CKAP2: variants seen among roughly 807,000 people sequenced by gnomAD.
CKAP2 encodes cytoskeleton associated protein 2.
In CKAP2, 46 loss-of-function variants were observed where a neutral mutation model predicts 58.4. The observed-to-expected ratio is 0.79, with a 90% confidence interval of 0.62 to 1.01. The LOEUF is 1.01. CKAP2 is among the 50% of genes least tolerant of loss of function. The pLI is 0.00. For missense variants in CKAP2, 809 were observed against 796.4 expected, an observed-to-expected ratio of 1.02 and a Z score of -0.19; for synonymous variants, 293 against 280.9, an observed-to-expected ratio of 1.04 and a Z score of -0.43.
rs1958823617 is a variant in CKAP2 at position 52,475,985 on chromosome 13, A to C, written c.*844A>C. On this transcript the variant is annotated 3_prime_UTR_variant, in exon 9 of 9. Coordinates refer to ENST00000258607, the MANE Select transcript of CKAP2 (RefSeq NM_018204.5). Reference sequence around the variant, plus strand: ...TTCTAGTTTAGATAGCATTTCTAAGATAACTGATACTAATACTTGTTTTCT... The same window carrying C: ...TTCTAGTTTAGATAGCATTTCTAAGCTAACTGATACTAATACTTGTTTTCT... 1 of 152,226 alleles carries C rather than the reference A, an allele frequency of 6.6e-6. No individual in the cohort carries two copies. The highest frequency in any genetic ancestry group is 2.4e-5 in the African/African-American group (1 of 41,466). 9.4% of individuals were successfully genotyped at this position (152,226 alleles called of 1,614,324 possible).
Position 52,456,508 on chromosome 13 carries a change from A to T in CKAP2, c.71-15A>T, listed in dbSNP as rs758142413. The T allele has an allele frequency of 5.7e-6, 9 of 1,582,224 alleles. No individual in the cohort carries two copies. The South Asian group carries it at 1.0e-4, about 18-fold the overall frequency. Reference sequence around the variant, plus strand: ...TAACTAATATTGACTTGTAGCTCTTACCTTTGTTATCTAGAGCAAAGAAGA... The same window carrying T: ...TAACTAATATTGACTTGTAGCTCTTTCCTTTGTTATCTAGAGCAAAGAAGA... On this transcript the variant is annotated splice_polypyrimidine_tract_variant and intron_variant, in intron 1 of 8. Transcript: ENST00000258607.
intron 2 of CKAP2, among the ~76,000 whole-genome samples, chr13:52,460,471 G>C (rs920961022): frequency 3.3e-5 from 5 of 151,262 alleles, no homozygotes; most frequent in Admixed American, 3.3e-4. Context: ...TTGAGACAGA[G>C]TCTCTCTCTG....
Position 52,475,019 on chromosome 13 carries a change from GATC to G in CKAP2, c.1930_1932del (p.His644del), listed in dbSNP as rs1179938041. The stretch of plus-strand genomic sequence containing the variant: ...TTCTAAATTGCCAGATATGTTAAAA[GATC>G]ATTATCCTTGTGTGTCTTCATTGGA... On this transcript the variant is annotated inframe_deletion, in exon 9 of 9. Transcript: ENST00000258607. The G allele has an allele frequency of 6.2e-7, 1 of 1,614,194 alleles. No individual in the cohort carries two copies. The highest frequency in any genetic ancestry group is 1.7e-5 in the Admixed American group (1 of 60,024).
At chr13:52,456,148 G>A in intron 1 of CKAP2, 1 of 1,032,848 alleles carries the variant, frequency 9.7e-7, no homozygotes, top group Non-Finnish European at 1.2e-6. Flanking sequence ...CGGGAAAGCA[G>A]AAGAAAGTAA....
In CKAP2 at chr13:52,473,836, T is replaced by C. The variant is rs772123252; in HGVS notation, c.1554T>C (p.Asn518=). 1.9e-6 allele frequency: 3 copies of C among 1,598,164 alleles called. No homozygotes were observed. The highest frequency in any genetic ancestry group is 2.6e-6 in the Non-Finnish European group (3 of 1,174,112). The change falls in exon 8 of 9, where the codon AAT becomes AAC. Residue 518 remains asparagine (N), a synonymous_variant. Transcript: ENST00000258607. ...TAAATGTATTTTCTATAGGAGAAAA[T>C]ATGGAGAAGTCTTGTGCAAGCAAGG... ...KSQEKANLGE[N]MEKSCASKEE...
In CKAP2 at chr13:52,468,330, A is replaced by C. The variant is rs1958712100; in HGVS notation, c.1529A>C (p.Gln510Pro). 6.3e-7 allele frequency: 1 copy of C among 1,596,544 alleles called. No homozygotes were observed. Among genetic ancestry groups the C allele is most frequent in the Non-Finnish European group, 8.5e-7 (1 of 1,170,532 alleles). Reference sequence around the variant, plus strand: ...GTAGATATTCTAACAATGAAGAGTCAAGAAAAAGCTAATTTAGGTAAGTTT... The same window carrying C: ...GTAGATATTCTAACAATGAAGAGTCCAGAAAAAGCTAATTTAGGTAAGTTT... The part of the protein sequence containing the change: ...TIVDILTMKS[Q>P]EKANLGENME... Residue 510 changes from glutamine (Q) to proline (P), a missense_variant, in exon 7 of 9, where the codon CAA (glutamine) becomes CCA (proline). By Grantham distance (76) the Gln-to-Pro change is moderately conservative. Coordinates refer to ENST00000258607, the MANE Select transcript of CKAP2 (RefSeq NM_018204.5).
At chr13:52,459,523 G>A (rs56173235) in intron 2 of CKAP2, among the ~76,000 whole-genome samples, 8,507 of 152,000 alleles carry the variant, frequency 0.056, 258 homozygotes, top group South Asian at 0.085. Flanking sequence ...GGGTTTCGCC[G>A]TGTTGGCCAG....
Position 52,474,039 on chromosome 13 carries a change from G to C in CKAP2, c.1757G>C (p.Ser586Thr). The C allele has an allele frequency of 1.2e-6, 2 of 1,613,894 alleles. No homozygotes were observed. The highest frequency in any genetic ancestry group is 4.5e-5 in the East Asian group (2 of 44,848). The change falls in exon 8 of 9, where the codon AGT (serine) becomes ACT (threonine). Residue 586 changes from serine (S) to threonine (T), a missense_variant. Physicochemically the swap from Ser to Thr is moderately conservative, Grantham distance 58. Around this residue, in one of 3 missense-constraint regions of CKAP2, gnomAD observed 283 missense variants for 287.6 expected, o/e 0.98. Coordinates refer to ENST00000258607, the MANE Select transcript of CKAP2 (RefSeq NM_018204.5). ...ACCCCCAATACAGAAACGAGGACAA[G>C]TTGCTTAATTAAATATAATGTGTCT... ...VKTPNTETRT[S>T]CLIKYNVSTT...
Position 52,461,284 on chromosome 13 carries a change from G to A in CKAP2, c.458G>A (p.Ser153Asn). 1 of 1,613,712 alleles carries A rather than the reference G, an allele frequency of 6.2e-7. No individual in the cohort carries two copies. Among genetic ancestry groups the A allele is most frequent in the Non-Finnish European group, 8.5e-7 (1 of 1,179,946 alleles). ...CAGGCATTTCACCTTAAAAACAATA[G>A]TAAAAAGAAACAAATGACTACAGAA... The part of the protein sequence containing the change: ...LSQAFHLKNN[S>N]KKKQMTTEKQ... Residue 153 changes from serine to asparagine, a missense_variant, in exon 4 of 9, where the codon AGT (serine) becomes AAT (asparagine). This residue lies in a region of CKAP2 where 523 missense variants were observed against 492.4 expected (regional missense o/e 1.06). Coordinates refer to ENST00000258607, the MANE Select transcript of CKAP2 (RefSeq NM_018204.5).
intron 5 of CKAP2, among the ~76,000 whole-genome samples, chr13:52,464,564 A>C (rs1193105814): frequency 6.6e-6 from 1 of 152,008 alleles, no homozygotes; most frequent in Non-Finnish European, 1.5e-5. Context: ...AAAAAAAAAA[A>C]AAAAAAAAAA....
At chr13:52,465,129 C>G (rs1958645420) in intron 5 of CKAP2, among the ~76,000 whole-genome samples, 166 bp from the exon 6 acceptor site, 1 of 152,246 alleles carries the variant, frequency 6.6e-6, no homozygotes, top group South Asian at 2.1e-4. Context: ...AAATCAAGAT[C>G]AAATAAGTGT....
At chr13:52,466,005 A>G (rs150301837) in intron 6 of CKAP2, among the ~76,000 whole-genome samples, 3 of 151,944 alleles carry the variant, frequency 2.0e-5, no homozygotes, top group South Asian at 2.1e-4. Flanking sequence ...ACATATATAT[A>G]CACACATACA....
intron 6 of CKAP2, 24 bp from the exon 7 acceptor site, chr13:52,468,254 G>C (rs1305522277): frequency 1.4e-6 from 2 of 1,441,430 alleles, no homozygotes; most frequent in East Asian, 2.3e-5. Flanking sequence ...ACATGGATCT[G>C]CTTTCTTCAT....
chr13:52,462,222 G>A lies in CKAP2; in HGVS notation c.1101-141G>A, dbSNP rs1958597117. The stretch of plus-strand genomic sequence containing the variant: ...CATTGAGCATAATTGACGTTGATAT[G>A]TTTAATATTTCTTCAAGCTTGTGAA... On this transcript the variant is annotated intron_variant, in intron 4 of 8. Coordinates refer to ENST00000258607, the MANE Select transcript of CKAP2 (RefSeq NM_018204.5). 4.2e-6 allele frequency: 3 copies of A among 715,330 alleles called. No homozygotes were observed. The East Asian group carries it at 8.4e-5, about 20-fold the overall frequency. 44.3% of individuals were successfully genotyped at this position (715,330 alleles called of 1,614,324 possible).
chr13:52,469,593 A>T (rs199664491), intron 7 of CKAP2, among the ~76,000 whole-genome samples: 42,297 of 139,696 alleles, frequency 0.3, 8,025 homozygotes, highest in Middle Eastern at 0.47. Context: ...TTATTTATTT[A>T]TTTATTTTTT....
rs1284357251 is a variant in CKAP2 at position 52,465,479 on chromosome 13, T to C, written c.1476+14T>C. 10 of 1,596,836 alleles carry C rather than the reference T, an allele frequency of 6.3e-6. No individual in the cohort carries two copies. The South Asian group carries it at 1.1e-4, about 18-fold the overall frequency. On this transcript the variant is annotated intron_variant, in intron 6 of 8. Transcript: ENST00000258607. ...GCAGGGGCTCAGGTAAGATAAAAAT[T>C]TACTGATCTTTACAATTACAGTGTA...
At chr13:52,474,295 G>T (rs1958799663) in intron 8 of CKAP2, among the ~76,000 whole-genome samples, 1 of 152,050 alleles carries the variant, frequency 6.6e-6, no homozygotes, top group Non-Finnish European at 1.5e-5. Flanking sequence ...AGACTATCCT[G>T]GGCAACATGG....
intron 7 of CKAP2, among the ~76,000 whole-genome samples, chr13:52,469,560 C>A (rs1470581042): frequency 6.6e-6 from 1 of 151,566 alleles, no homozygotes; most frequent in Non-Finnish European, 1.5e-5. Context: ...TTTTTTGGGA[C>A]CATTGAATGA....
intron 7 of CKAP2, among the ~76,000 whole-genome samples, chr13:52,471,459 T>A (rs924798555): frequency 4.6e-5 from 7 of 152,014 alleles, no homozygotes; most frequent in Non-Finnish European, 7.4e-5. Context: ...AATCAGTTAT[T>A]TGTGAACAGC....
Sources: gnomAD v4.1 joint callset for allele counts (sites outside exome capture counted in the v4.1 genomes callset) on GRCh38, gnomAD v4.1.1 for gene constraint, gnomAD v4.1.1 regional missense constraint, MANE v1.5 for transcripts, NCBI Gene and HGNC (gene_info 2026-07-23, HGNC 2026-07-21) for gene names.